The following RYR3 variants were observed in gnomAD, a reference collection of about 807,000 sequenced individuals.
RYR3 encodes ryanodine receptor 3, also known as brain ryanodine receptor-calcium release channel.
A neutral mutation model predicts 584.3 loss-of-function variants in RYR3; 207 were observed. That is an observed-to-expected ratio of 0.35 (90% confidence interval 0.32 to 0.40). RYR3 has a LOEUF of 0.40. RYR3 is among the 10% of genes least tolerant of loss of function. The pLI, the probability that RYR3 is intolerant of heterozygous loss-of-function variation, is 1.00. For missense variants in RYR3, 5,616 were observed against 6,089.2 expected (o/e 0.92, Z 2.59); for synonymous variants, 2,416 against 2,248.5 (o/e 1.07, Z -2.11).
intron 48 of RYR3, among the ~76,000 whole-genome samples, chr15:33,732,614 C>G (rs1380685243): frequency 6.6e-6 from 1 of 152,172 alleles, no homozygotes; most frequent in African/African-American, 2.4e-5. Context: ...TTCAACAGGT[C>G]TTAGCAGCAC....
At chr15:33,708,546 A>G (rs763202426) in intron 43 of RYR3, among the ~76,000 whole-genome samples, 1 of 152,146 alleles carries the variant, frequency 6.6e-6, no homozygotes, top group Non-Finnish European at 1.5e-5. Context: ...AGGTTATTTT[A>G]TATCTTTTCA....
intron 48 of RYR3, among the ~76,000 whole-genome samples, chr15:33,735,387 A>T (rs1479331263): frequency 1.3e-5 from 2 of 152,176 alleles, no homozygotes; most frequent in Non-Finnish European, 2.9e-5. Context: ...CATCCTTCTT[A>T]TTGTAGATGC....
chr15:33,400,907 A>T (rs923601272), intron 1 of RYR3, among the ~76,000 whole-genome samples: 4 of 152,240 alleles, frequency 2.6e-5, no homozygotes, highest in African/African-American at 9.6e-5. Context: ...GTTTGGGTCA[A>T]TCATACTGAC....
At chr15:33,769,080 G>A (rs767084850) in intron 61 of RYR3, 32 bp from the exon 62 acceptor site, 2 of 1,558,248 alleles carry the variant, frequency 1.3e-6, no homozygotes, top group South Asian at 2.2e-5. Context: ...TGAGTGGTTT[G>A]AGGGAATCAC....
intron 1 of RYR3, among the ~76,000 whole-genome samples, chr15:33,466,008 A>G (rs2048459435): frequency 6.6e-6 from 1 of 152,190 alleles, no homozygotes; most frequent in Non-Finnish European, 1.5e-5. Context: ...ATACTCAGAA[A>G]TCTGATTTTG....
chr15:33,749,732 C>T lies in RYR3; in HGVS notation c.8200-247C>T, dbSNP rs568553671. ...AAATGGATGTTTCTCATAAATGCAT[C>T]AAACTGCCAGAATAATAAGTTACAA... On this transcript the variant is annotated intron_variant, in intron 55 of 103. Transcript: ENST00000634891. Among the ~76,000 whole-genome samples, 7 of 152,236 alleles carry T rather than the reference C, an allele frequency of 4.6e-5. No homozygotes were observed. The South Asian group carries it at 1.2e-3, about 27-fold the overall frequency.
At chr15:33,551,551 G>A (rs1043698848) in intron 10 of RYR3, among the ~76,000 whole-genome samples, 3 of 152,074 alleles carry the variant, frequency 2.0e-5, no homozygotes, top group African/African-American at 4.8e-5. Flanking sequence ...TTGGCATGTA[G>A]TTTTTTCTCT....
chr15:33,786,300 C>T (rs1016537173), intron 66 of RYR3, among the ~76,000 whole-genome samples: 10 of 152,144 alleles, frequency 6.6e-5, no homozygotes, highest in Admixed American at 3.3e-4. Context: ...CCCATTAGCT[C>T]TTACAGTAAT....
chr15:33,726,413 A>G lies in RYR3; in HGVS notation c.6940A>G (p.Ile2314Val), dbSNP rs2068462821. The G allele has an allele frequency of 5.6e-6, 9 of 1,613,136 alleles. No individual in the cohort carries two copies. Among genetic ancestry groups the G allele is most frequent in the Non-Finnish European group, 7.6e-6 (9 of 1,179,594 alleles). The change falls in exon 46 of 104, where the codon ATC (isoleucine) becomes GTC (valine). Residue 2314 changes from isoleucine to valine, a missense_variant. Coordinates refer to ENST00000634891, the MANE Select transcript of RYR3 (RefSeq NM_001036.6). ...HLIQTGKGEAIRIRSILRSLV... is the reference protein window; with the variant it reads ...HLIQTGKGEAVRIRSILRSLV... ...CATCCAGACAGGAAAGGGGGAAGCC[A>G]TCCGCATCAGGTCCATCCTGCGCTC...
At chr15:33,328,283 C>G (rs888526828) in intron 1 of RYR3, among the ~76,000 whole-genome samples, 1 of 152,200 alleles carries the variant, frequency 6.6e-6, no homozygotes, top group Non-Finnish European at 1.5e-5. Flanking sequence ...TGGGCTGTTA[C>G]GGCAGCTCTG....
chr15:33,660,083 C>T, intron 33 of RYR3, 114 bp from the exon 34 acceptor site: 2 of 709,814 alleles, frequency 2.8e-6, no homozygotes, highest in South Asian at 3.7e-5. Context: ...CCTTAGAGAT[C>T]CCTGGATACA....
chr15:33,865,139 T>C lies in RYR3; in HGVS notation c.14526T>C (p.Tyr4842=), dbSNP rs1263792999. 8.7e-6 allele frequency: 14 copies of C among 1,612,522 alleles called. No individual in the cohort carries two copies. The South Asian group carries it at 1.1e-4, about 13-fold the overall frequency. The change falls in exon 104 of 104, where the codon TAT becomes TAC. Residue 4842 remains tyrosine, a synonymous_variant. Coordinates refer to ENST00000634891, the MANE Select transcript of RYR3 (RefSeq NM_001036.6). ...DETEHTGQES[Y]VWKMYQERCW... is the part of the protein sequence containing the mutation. ...TGTTCATATTATTTCAGGAATCTTATGTCTGGAAGATGTACCAAGAAAGGT... is the reference window on the plus strand; with the variant it reads ...TGTTCATATTATTTCAGGAATCTTACGTCTGGAAGATGTACCAAGAAAGGT...
intron 12 of RYR3, among the ~76,000 whole-genome samples, chr15:33,569,122 A>T (rs2057879726): frequency 6.6e-6 from 1 of 152,328 alleles, no homozygotes; most frequent in South Asian, 2.1e-4. Flanking sequence ...AACAGTTGAT[A>T]GTTTCCATTT....
At position 33,859,424 on chromosome 15, in the gene RYR3, G is replaced by A; in HGVS notation, c.14143-151G>A. ...TGTCCAGAGGGTGCAGTGGACAGCA[G>A]CTAGCAGCATGAATACTGGCACCTC... On this transcript the variant is annotated intron_variant, in intron 99 of 103. Transcript: ENST00000634891. 2.8e-6 allele frequency: 2 copies of A among 723,782 alleles called. 1 individual carries two copies. The highest frequency in any genetic ancestry group is 3.7e-5 in the South Asian group (2 of 54,508). 44.8% of individuals were successfully genotyped at this position (723,782 alleles called of 1,614,324 possible).
intron 91 of RYR3, 90 bp from the exon 92 acceptor site, chr15:33,843,398 T>C: frequency 2.3e-6 from 2 of 853,446 alleles, no homozygotes; most frequent in Non-Finnish European, 3.8e-6. Flanking sequence ...AAGTGTGAAC[T>C]TCTAACCAGA....
intron 99 of RYR3, 133 bp from the exon 100 acceptor site, chr15:33,859,442 G>A: frequency 1.2e-6 from 1 of 843,568 alleles, no homozygotes; most frequent in Non-Finnish European, 1.9e-6. Flanking sequence ...CATGAATACT[G>A]GCACCTCTGA....
At chr15:33,454,242 C>T (rs79230003) in intron 1 of RYR3, among the ~76,000 whole-genome samples, 4,149 of 152,256 alleles carry the variant, frequency 0.027, 104 homozygotes, top group African/African-American at 0.06. Flanking sequence ...CTGAGTATCC[C>T]CAAACTAAAG....
intron 32 of RYR3, among the ~76,000 whole-genome samples, chr15:33,653,547 A>G (rs146148264): frequency 0.044 from 6,738 of 151,992 alleles, 481 homozygotes; most frequent in African/African-American, 0.15. Flanking sequence ...GCCCGCGCCT[A>G]TAGTCCCAGC....
intron 55 of RYR3, among the ~76,000 whole-genome samples, chr15:33,749,152 G>C (rs2071034383): frequency 2.0e-5 from 3 of 152,154 alleles, no homozygotes; most frequent in Non-Finnish European, 4.4e-5. Flanking sequence ...AAATAAGACA[G>C]CTAGGACAAA....
Sources: gnomAD v4.1 joint callset for allele counts (sites outside exome capture counted in the v4.1 genomes callset) on GRCh38, gnomAD v4.1.1 for gene constraint, MANE v1.5 for transcripts, NCBI Gene and HGNC (gene_info 2026-07-23, HGNC 2026-07-21) for gene names.